TTC23: variants seen among roughly 807,000 people sequenced by gnomAD.
TTC23 encodes the protein tetratricopeptide repeat domain 23.
TTC23 carries 58 observed loss-of-function variants against 55.1 expected under a neutral mutation model. That is an observed-to-expected ratio of 1.05 (90% CI 0.85 to 1.31). The LOEUF (loss-of-function observed/expected upper bound fraction) is 1.31. TTC23 is among the 50% of genes most tolerant of loss of function. The probability of loss-of-function intolerance (pLI) is 0.00; values close to 1 mark genes in which losing one functional copy is unlikely to be tolerated. For missense variants in TTC23, 516 were observed against 534.4 expected (o/e 0.97, Z 0.34); for synonymous variants, 203 against 199.9 (o/e 1.02, Z -0.13).
chr15:99,248,144 AATG>A (rs1403511663), intron 1 of TTC23: 1 of 152,298 alleles, frequency 6.6e-6, no homozygotes, highest in East Asian at 1.9e-4. Context: ...ATTATTCAAC[AATG>A]ATAAGGTAAA....
At chr15:99,176,444 C>G (rs755334962) in intron 9 of TTC23, among the ~76,000 whole-genome samples, 3 of 152,056 alleles carry the variant, frequency 2.0e-5, no homozygotes, top group Non-Finnish European at 4.4e-5. Context: ...AACCCTGTCT[C>G]TACAACAAAT....
chr15:99,137,928 C>A lies in TTC23; in HGVS notation c.*82G>T. On this transcript the variant is annotated 3_prime_UTR_variant, in exon 14 of 14. Coordinates refer to ENST00000394132, the MANE Select transcript of TTC23 (RefSeq NM_001288615.3). ...AATCTGTATCCTGACTGTTGAATTCCATTTTCTAGGCGGAGGTGATTTGTA... is the reference window on the plus strand; with the variant it reads ...AATCTGTATCCTGACTGTTGAATTCAATTTTCTAGGCGGAGGTGATTTGTA... 6.3e-7 allele frequency: 1 copy of A among 1,575,860 alleles called. No individual in the cohort carries two copies. The highest frequency in any genetic ancestry group is 8.7e-7 in the Non-Finnish European group (1 of 1,154,660).
intron 3 of TTC23, among the ~76,000 whole-genome samples, chr15:99,237,848 A>C (rs1240122005): frequency 6.6e-6 from 1 of 152,210 alleles, no homozygotes; most frequent in Non-Finnish European, 1.5e-5. Context: ...TAAAAATCAT[A>C]TATATAGACC....
chr15:99,232,316 A>C (rs1047097626), intron 4 of TTC23, among the ~76,000 whole-genome samples: 1 of 151,530 alleles, frequency 6.6e-6, no homozygotes, highest in Non-Finnish European at 1.5e-5. Flanking sequence ...CATCTCTCCC[A>C]AAAATACAGA....
In TTC23 at chr15:99,209,537, C is replaced by T. The variant is rs544562674; in HGVS notation, c.581+9051G>A. 8.5e-5 allele frequency among the ~76,000 whole-genome samples: 13 copies of T among 152,142 alleles called. No homozygotes were observed. The South Asian group carries it at 1.0e-3, about 12-fold the overall frequency. ...CTGCTGGGCCACTTTCCAGCTTTAT[C>T]GCTTCCTGCCTGTGTGACCCTGGAA... On this transcript the variant is annotated intron_variant, in intron 8 of 13. Transcript: ENST00000394132.
chr15:99,237,752 T>C (rs1375452036), intron 3 of TTC23, among the ~76,000 whole-genome samples: 2 of 152,120 alleles, frequency 1.3e-5, no homozygotes, highest in Admixed American at 6.5e-5. Flanking sequence ...ATATGCTCAT[T>C]ATCTTGACTG....
chr15:99,156,414 C>G, intron 11 of TTC23, 117 bp from the exon 12 acceptor site: 1 of 1,205,898 alleles, frequency 8.3e-7, no homozygotes, highest in Non-Finnish European at 1.2e-6. Flanking sequence ...GCCTGTTCTC[C>G]TCTTGTATTA....
chr15:99,250,711 G>C (rs2080661339), upstream of TTC23, among the ~76,000 whole-genome samples: 1 of 152,202 alleles, frequency 6.6e-6, no homozygotes, highest in African/African-American at 2.4e-5. Flanking sequence ...TACTCAGTCA[G>C]GCTAGGAAGT....
chr15:99,207,501 G>C (rs1051852822), intron 8 of TTC23, among the ~76,000 whole-genome samples: 2 of 152,222 alleles, frequency 1.3e-5, no homozygotes, highest in African/African-American at 4.8e-5. Context: ...GCTCATGCCT[G>C]TAATCCCAGC....
intron 9 of TTC23, among the ~76,000 whole-genome samples, chr15:99,188,513 T>A (rs933795629): frequency 3.3e-5 from 5 of 151,970 alleles, no homozygotes; most frequent in Non-Finnish European, 7.4e-5. Context: ...AACAAAATTT[T>A]AAAAAATAAA....
chr15:99,210,136 T>C (rs1443996291), intron 8 of TTC23, among the ~76,000 whole-genome samples: 6 of 152,094 alleles, frequency 3.9e-5, no homozygotes, highest in African/African-American at 1.2e-4. Flanking sequence ...ATATTAATAC[T>C]AATAACATGT....
At chr15:99,195,306 T>C (rs892048249) in intron 9 of TTC23, among the ~76,000 whole-genome samples, 2 of 152,182 alleles carry the variant, frequency 1.3e-5, no homozygotes, top group Non-Finnish European at 2.9e-5. Context: ...GATACACAGA[T>C]GACAAGCCCA....
In TTC23 at chr15:99,228,602, T is replaced by C. The variant is rs146591202; in HGVS notation, c.111A>G (p.Leu37=). ...KFQNKLLQTA[L]FQPPREKLHL... Reference sequence around the variant, plus strand: ...GGAGTTTCTCTCGAGGAGGCTGGAATAGTGCTGTCTGAAGCAGCTTGTTTT... The same window carrying C: ...GGAGTTTCTCTCGAGGAGGCTGGAACAGTGCTGTCTGAAGCAGCTTGTTTT... The change falls in exon 5 of 14, where the codon CTA becomes CTG. Residue 37 remains leucine (L), a synonymous_variant. Transcript: ENST00000394132. The C allele has an allele frequency of 1.6e-5, 26 of 1,614,116 alleles. No homozygotes were observed. The Admixed American group carries it at 2.2e-4, about 13-fold the overall frequency.
chr15:99,155,238 TAAG>T (rs2070376541), intron 12 of TTC23: 1 of 152,130 alleles, frequency 6.6e-6, no homozygotes, highest in South Asian at 2.1e-4. Context: ...TTAAACTTAA[TAAG>T]AAATATACAA....
chr15:99,228,290 C>T (rs147442174), intron 5 of TTC23: 3 of 330,994 alleles, frequency 9.1e-6, no homozygotes, highest in Non-Finnish European at 1.6e-5. Context: ...GTGTTGTATC[C>T]CAATGCCTAG....
chr15:99,172,656 G>T (rs1268115268), intron 10 of TTC23, among the ~76,000 whole-genome samples: 1 of 152,146 alleles, frequency 6.6e-6, no homozygotes, highest in African/African-American at 2.4e-5. Flanking sequence ...TCCAACAAAT[G>T]GGGATAAATG....
intron 5 of TTC23, among the ~76,000 whole-genome samples, chr15:99,226,698 T>C (rs2078455041): frequency 6.6e-6 from 1 of 152,148 alleles, no homozygotes; most frequent in Non-Finnish European, 1.5e-5. Context: ...TTATGTGTGC[T>C]GTTTCCTCTC....
chr15:99,183,325 CTTT>C (rs1256593678), intron 9 of TTC23, among the ~76,000 whole-genome samples: 5 of 140,178 alleles, frequency 3.6e-5, no homozygotes, highest in Non-Finnish European at 3.1e-5. Flanking sequence ...TCTTTCTTTT[CTTT>C]TTTTTTTTTT....
intron 9 of TTC23, among the ~76,000 whole-genome samples, chr15:99,182,815 A>T (rs993095165): frequency 1.4e-5 from 2 of 143,876 alleles, no homozygotes; most frequent in African/African-American, 5.1e-5. Context: ...TTTTAAAAAA[A>T]GTAGTTATTA....
Sources: gnomAD v4.1 joint callset for allele counts (sites outside exome capture counted in the v4.1 genomes callset) on GRCh38, gnomAD v4.1.1 for gene constraint, MANE v1.5 for transcripts, NCBI Gene and HGNC (gene_info 2026-07-23, HGNC 2026-07-21) for gene names.